The following HES3 variants were observed in gnomAD, a reference collection of about 807,000 sequenced individuals.
HES3 encodes the protein hes family bHLH transcription factor 3.
In HES3, 6 loss-of-function variants were observed where a neutral mutation model predicts 8.0. The observed-to-expected ratio is 0.75, with a 90% confidence interval of 0.41 to 1.49. The LOEUF is 1.49. Among genes scored for constraint, HES3 ranks in the 40% most tolerant of loss-of-function variants. The pLI is 0.01. For missense variants in HES3, 266 were observed against 260.9 expected (o/e 1.02, Z -0.13); for synonymous variants, 121 against 119.4 (o/e 1.01, Z -0.09).
At chr1:6,244,852 T>G (rs4908870) in intron 3 of HES3, among the ~76,000 whole-genome samples, 1 of 151,890 alleles carries the variant, frequency 6.6e-6, no homozygotes. Flanking sequence ...GGAGGAGCAG[T>G]AAAGCCCGGG....
chr1:6,244,703 G>C (rs1638266011), intron 3 of HES3, 74 bp downstream of exon 3: 1 of 1,347,644 alleles, frequency 7.4e-7, no homozygotes, highest in African/African-American at 1.4e-5. Context: ...GCCAAATAAA[G>C]AGGGATACCT....
rs1185583048 is a variant in HES3, at chr1:6,245,278, A to C, written c.332A>C (p.Gln111Pro). 1 of 1,495,840 alleles carries C rather than the reference A, an allele frequency of 6.7e-7. No homozygotes were observed. Among genetic ancestry groups the C allele is most frequent in the Non-Finnish European group, 8.8e-7 (1 of 1,131,706 alleles). 92.7% of individuals were successfully genotyped at this position (1,495,840 alleles called of 1,614,324 possible). A position where few individuals can be genotyped will look rare whatever the true frequency, so the allele number is the denominator to read the frequency against. ...ACCATGGACAGCGCCGGGTTGGGCC[A>C]GGAGGCGCCCGCGCTGTTCCGCCCT... Reference protein sequence around the residue: ...GSTMDSAGLGQEAPALFRPCT... With the variant: ...GSTMDSAGLGPEAPALFRPCT... The change falls in exon 4 of 4, where the codon CAG becomes CCG. Residue 111 changes from glutamine (Q) to proline (P), a missense_variant. Gln to Pro is a moderately conservative substitution (Grantham distance 76). Transcript: ENST00000377898.
At chr1:6,245,020 C>CT (rs1638270206) in intron 3 of HES3, 90 bp from the exon 4 acceptor site, 2 of 311,606 alleles carry the variant, frequency 6.4e-6, no homozygotes, top group Non-Finnish European at 1.2e-5. Context: ...CTCCCCTCCC[C>CT]TCCCTCCCCC....
Position 6,245,297 on chromosome 1 carries a change from C to T in HES3, c.351C>T (p.Phe117=). 1 of 1,502,414 alleles carries T rather than the reference C, an allele frequency of 6.7e-7. No homozygotes were observed. Among genetic ancestry groups the T allele is most frequent in the South Asian group, 1.3e-5 (1 of 79,996 alleles). The allele number at this position is 1,502,414 out of a possible 1,614,324, so 93.1% of individuals were successfully genotyped here. ...TGGGCCAGGAGGCGCCCGCGCTGTT[C>T]CGCCCTTGCACCCCTGCCGTCTGGG... ...AGLGQEAPAL[F]RPCTPAVWAP... Residue 117 remains phenylalanine, a synonymous_variant, in exon 4 of 4, where the codon TTC becomes TTT. Transcript: ENST00000377898.
Position 6,244,706 on chromosome 1 carries a change from G to A in HES3, c.163+77G>A. ...GGGATGCACAAGGCCAAATAAAGAG[G>A]GATACCTCAAGGACCGCTTGACCCC... On this transcript the variant is annotated intron_variant, in intron 3 of 3. Transcript: ENST00000377898. 3 of 1,336,540 alleles carry A rather than the reference G, an allele frequency of 2.2e-6. No homozygotes were observed. The East Asian group carries it at 7.0e-5, about 31-fold the overall frequency. 82.8% of individuals were successfully genotyped at this position (1,336,540 alleles called of 1,614,324 possible).
Position 6,245,285 on chromosome 1 carries a change from G to A in HES3, c.339G>A (p.Ala113=), listed in dbSNP as rs1269491563. 6.7e-7 allele frequency: 1 copy of A among 1,494,644 alleles called. No homozygotes were observed. Among genetic ancestry groups the A allele is most frequent in the Non-Finnish European group, 8.8e-7 (1 of 1,131,350 alleles). 92.6% of individuals were successfully genotyped at this position (1,494,644 alleles called of 1,614,324 possible). The change falls in exon 4 of 4, where the codon GCG becomes GCA. Residue 113 remains alanine, a synonymous_variant. Transcript: ENST00000377898. ...ACAGCGCCGGGTTGGGCCAGGAGGC[G>A]CCCGCGCTGTTCCGCCCTTGCACCC... ...TMDSAGLGQE[A]PALFRPCTPA... is the part of the protein sequence containing the mutation.
Position 6,245,496 on chromosome 1 carries a change from G to T in HES3, c.550G>T (p.Asp184Tyr). Residue 184 changes from aspartate (D) to tyrosine (Y), a missense_variant, in exon 4 of 4, where the codon GAC (aspartate) becomes TAC (tyrosine). Transcript: ENST00000377898. ...GCGGCCCTGGGGAAGCCCCGGGGATGACCTGAACTGAAGGCGCTCCCTATT... is the reference window on the plus strand; with the variant it reads ...GCGGCCCTGGGGAAGCCCCGGGGATTACCTGAACTGAAGGCGCTCCCTATT... ...VWRPWGSPGD[D>Y]LN 2 of 1,502,548 alleles carry T rather than the reference G, an allele frequency of 1.3e-6. No homozygotes were observed. Among genetic ancestry groups the T allele is most frequent in the Non-Finnish European group, 1.8e-6 (2 of 1,139,970 alleles). 93.1% of individuals were successfully genotyped at this position (1,502,548 alleles called of 1,614,324 possible). A position where few individuals can be genotyped will look rare whatever the true frequency, so the allele number is the denominator to read the frequency against.
rs778521777 is a variant in HES3 at position 6,244,463 on chromosome 1, G to T, written c.81+17G>T. 6.2e-7 allele frequency: 1 copy of T among 1,605,386 alleles called. No individual in the cohort carries two copies. Reference sequence around the variant, plus strand: ...TCGCACCAGGTGAGACTCAGGCGGGGTGGGGGTGGGTGGGTGATACGATCC... The same window carrying T: ...TCGCACCAGGTGAGACTCAGGCGGGTTGGGGGTGGGTGGGTGATACGATCC... On this transcript the variant is annotated intron_variant, in intron 2 of 3. Transcript: ENST00000377898.
In HES3 at chr1:6,245,240, C is replaced by A. The variant is rs1219036438; in HGVS notation, c.294C>A (p.Ser98Arg). The change falls in exon 4 of 4, where the codon AGC becomes AGA. Residue 98 changes from serine to arginine, a missense_variant. Physicochemically the swap from Ser to Arg is moderately radical, Grantham distance 110 (BLOSUM62 -1). Transcript: ENST00000377898. Reference sequence around the variant, plus strand: ...TGCGCTGCCCCCTGGTGCCCGAGAGCGCCGCCGGCAGCACCATGGACAGCG... The same window carrying A: ...TGCGCTGCCCCCTGGTGCCCGAGAGAGCCGCCGGCAGCACCATGGACAGCG... ...SGLRCPLVPESAAGSTMDSAG... is the reference protein window; with the variant it reads ...SGLRCPLVPERAAGSTMDSAG... 6.6e-7 allele frequency: 1 copy of A among 1,517,916 alleles called. No homozygotes were observed. Among genetic ancestry groups the A allele is most frequent in the East Asian group, 2.5e-5 (1 of 39,224 alleles). The allele number at this position is 1,517,916 out of a possible 1,614,324, so 94.0% of individuals were successfully genotyped here.
rs1459395155 is a variant in HES3, at chr1:6,245,288, C to T, written c.342C>T (p.Pro114=). ...GCGCCGGGTTGGGCCAGGAGGCGCC[C>T]GCGCTGTTCCGCCCTTGCACCCCTG... ...MDSAGLGQEA[P]ALFRPCTPAV... The change falls in exon 4 of 4, where the codon CCC becomes CCT. Residue 114 remains proline (P), a synonymous_variant. Transcript: ENST00000377898. 6 of 1,494,260 alleles carry T rather than the reference C, an allele frequency of 4.0e-6. No individual in the cohort carries two copies. Among genetic ancestry groups the T allele is most frequent in the Non-Finnish European group, 5.3e-6 (6 of 1,131,190 alleles). The allele number at this position is 1,494,260 out of a possible 1,614,324, so 92.6% of individuals were successfully genotyped here. A position where few individuals can be genotyped will look rare whatever the true frequency, so the allele number is the denominator to read the frequency against.
rs1638262582 is a variant in HES3, at chr1:6,244,631, T to A, written c.163+2T>A. The A allele has an allele frequency of 1.2e-6, 2 of 1,611,216 alleles. No homozygotes were observed. Among genetic ancestry groups the A allele is most frequent in the African/African-American group, 2.7e-5 (2 of 74,622 alleles). ...GAAGCCTTCAGAACTCCTTGCAAGG[T>A]ATAGGGGAGGGCTGGAGGGAGGAGG... On this transcript the variant is annotated splice_donor_variant, in intron 3 of 3. Coordinates refer to ENST00000377898, the MANE Select transcript of HES3 (RefSeq NM_001024598.4). LOFTEE classifies it high-confidence loss of function.
intron 3 of HES3, 63 bp from the exon 4 acceptor site, chr1:6,245,046 TC>T (rs1221349501): frequency 4.8e-5 from 6 of 125,854 alleles, no homozygotes; most frequent in Non-Finnish European, 8.7e-5. Flanking sequence ...CTCCTCTCCC[TC>T]CCCCTCCCCT....
chr1:6,245,049 C>A, intron 3 of HES3, 61 bp from the exon 4 acceptor site: 1 of 512,214 alleles, frequency 2.0e-6, no homozygotes, highest in Non-Finnish European at 3.3e-6. Flanking sequence ...CTCTCCCTCC[C>A]CCTCCCCTTC....
chr1:6,244,440 G>A lies in HES3; in HGVS notation c.75G>A (p.Ser25=), dbSNP rs199720544. 1.3e-5 allele frequency: 11 copies of A among 815,314 alleles called. No individual in the cohort carries two copies. Among genetic ancestry groups the A allele is most frequent in the South Asian group, 9.2e-5 (7 of 76,340 alleles). 50.5% of individuals were successfully genotyped at this position (815,314 alleles called of 1,614,324 possible). A position where few individuals can be genotyped will look rare whatever the true frequency, so the allele number is the denominator to read the frequency against. ...QLKSLLEKHY[S]HQIRKRKLEK... ...AGTCGCTGCTGGAGAAACACTACTC[G>A]CACCAGGTGAGACTCAGGCGGGGTG... Residue 25 remains serine (S), a synonymous_variant, in exon 2 of 4, where the codon TCG becomes TCA. Coordinates refer to ENST00000377898, the MANE Select transcript of HES3 (RefSeq NM_001024598.4).
chr1:6,245,225 C>A lies in HES3; in HGVS notation c.279C>A (p.Pro93=), dbSNP rs763461647. The part of the protein sequence containing the change: ...GDEVGSGLRC[P]LVPESAAGST... ...AGGTCGGCAGCGGCCTGCGCTGCCC[C>A]CTGGTGCCCGAGAGCGCCGCCGGCA... Residue 93 remains proline, a synonymous_variant, in exon 4 of 4, where the codon CCC becomes CCA. Transcript: ENST00000377898. The A allele has an allele frequency of 3.9e-6, 6 of 1,522,940 alleles. No individual in the cohort carries two copies. Among genetic ancestry groups the A allele is most frequent in the South Asian group, 1.2e-5 (1 of 83,210 alleles). The allele number at this position is 1,522,940 out of a possible 1,614,324, so 94.3% of individuals were successfully genotyped here.
At chr1:6,245,011 T>TCCCCCCC in intron 3 of HES3, 99 bp from the exon 4 acceptor site, 2 of 103,060 alleles carry the variant, frequency 1.9e-5, no homozygotes, top group South Asian at 1.1e-4. Flanking sequence ...CCTCCCTTCC[T>TCCCCCCC]CCCCTCCCCT....
intron 1 of HES3, 49 bp downstream of exon 1, chr1:6,244,290 T>TGG: frequency 7.4e-7 from 1 of 1,346,236 alleles, no homozygotes. Context: ...CCGGGAGGTG[T>TGG]GGGGGGGTGC....
At position 6,245,435 on chromosome 1, in the gene HES3, C is replaced by G; in HGVS notation, c.489C>G (p.Arg163=). ...SVPPPQPASS[R]CAESPGLGLR... ...CCCCGCCGCAGCCAGCGTCGAGTCG[C>G]TGCGCCGAGAGTCCCGGGCTGGGCC... Residue 163 remains arginine, a synonymous_variant, in exon 4 of 4, where the codon CGC becomes CGG. Transcript: ENST00000377898. 8 of 1,555,358 alleles carry G rather than the reference C, an allele frequency of 5.1e-6. No homozygotes were observed. The highest frequency in any genetic ancestry group is 6.0e-6 in the Non-Finnish European group (7 of 1,161,862).
At position 6,245,529 on chromosome 1, in the gene HES3, G is replaced by A. The variant is rs749682420; in HGVS notation, c.*22G>A. 1.4e-5 allele frequency: 21 copies of A among 1,464,196 alleles called. No individual in the cohort carries two copies. The highest frequency in any genetic ancestry group is 1.9e-5 in the Non-Finnish European group (21 of 1,120,510). 90.7% of individuals were successfully genotyped at this position (1,464,196 alleles called of 1,614,324 possible). ...CTGAAGGCGCTCCCTATTTGGTCTC[G>A]CGACACAGGGACTATTTTCAGCACG... On this transcript the variant is annotated 3_prime_UTR_variant, in exon 4 of 4. Coordinates refer to ENST00000377898, the MANE Select transcript of HES3 (RefSeq NM_001024598.4).
Sources: allele counts gnomAD v4.1 joint callset (sites outside exome capture counted in the v4.1 genomes callset), GRCh38; gene constraint gnomAD v4.1.1; transcripts MANE v1.5; gene names NCBI Gene and HGNC (gene_info 2026-07-23, HGNC 2026-07-21).